Variants in NPTN observed in about 807,000 individuals in gnomAD.
NPTN encodes the protein SDR-1.
Under a neutral mutation model 42.7 loss-of-function variants are expected in NPTN, and 5 were observed. The observed-to-expected ratio is 0.12, with a 90% CI of 0.06 to 0.25. The LOEUF (loss-of-function observed/expected upper bound fraction) is 0.25. Ranked by LOEUF, NPTN falls within the 10% of genes least tolerant of loss-of-function variation. NPTN has a pLI of 1.00. For missense variants in NPTN, 307 were observed against 525.4 expected, an observed-to-expected ratio of 0.58 and a Z score of 4.06; for synonymous variants, 180 against 201.9, an observed-to-expected ratio of 0.89 and a Z score of 0.92.
chr15:73,574,821 T>A (rs1234204406), intron 4 of NPTN, among the ~76,000 whole-genome samples: 6 of 152,232 alleles, frequency 3.9e-5, no homozygotes, highest in African/African-American at 1.4e-4. Flanking sequence ...CTAGAGGCCG[T>A]TGGTCTTCTC....
rs536162374 is a variant in NPTN at position 73,567,114 on chromosome 15, A to G, written c.1114+3036T>C. The G allele has an allele frequency of 8.5e-4, 830 of 980,786 alleles. 24 individuals are homozygous for G. The South Asian group carries it at 0.034, about 41-fold the overall frequency. The allele number at this position is 980,786 out of a possible 1,614,324, so 60.8% of individuals were successfully genotyped here. ...TAGTGAAACATACTTAAACTAAACT[A>G]TGTAAGTTCAAATTTGTGCTTTTAT... is the stretch of plus-strand genomic sequence containing the variant. On this transcript the variant is annotated intron_variant, in intron 6 of 8. Coordinates refer to ENST00000345330, the MANE Select transcript of NPTN (RefSeq NM_012428.4).
In NPTN at chr15:73,560,584, TTTAC is replaced by T. The variant is rs1384940797; in HGVS notation, c.*475_*478del. On this transcript the variant is annotated 3_prime_UTR_variant, in exon 9 of 9. Transcript: ENST00000345330. ...CAGCAGCTTAAAAATGAAACAAGCA[TTTAC>T]TTTATTTTGGATTTCTCCCACCCCC... The T allele has an allele frequency of 6.6e-6, 1 of 151,008 alleles. No homozygotes were observed. The highest frequency in any genetic ancestry group is 1.9e-4 in the East Asian group (1 of 5,150). The allele number at this position is 151,008 out of a possible 1,614,324, so 9.4% of individuals were successfully genotyped here. A position where few individuals can be genotyped will look rare whatever the true frequency, so the allele number is the denominator to read the frequency against.
At chr15:73,622,237 T>C (rs1898169564) in intron 1 of NPTN, among the ~76,000 whole-genome samples, 2 of 152,108 alleles carry the variant, frequency 1.3e-5, no homozygotes, top group Admixed American at 1.3e-4. Flanking sequence ...TTTCTGACTC[T>C]CTAAATCAGG....
At chr15:73,588,526 T>C (rs1021884324) in intron 3 of NPTN, among the ~76,000 whole-genome samples, 1 of 152,140 alleles carries the variant, frequency 6.6e-6, no homozygotes, top group Non-Finnish European at 1.5e-5. Context: ...ATCTGGCCCC[T>C]GTCTATATCC....
In NPTN at chr15:73,633,137, C is replaced by T; in HGVS notation, c.79G>A (p.Ala27Thr). The change falls in exon 1 of 9, where the codon GCC becomes ACC. Residue 27 changes from alanine to threonine, a missense_variant. Physicochemically the swap from Ala to Thr is moderately conservative, Grantham distance 58 (BLOSUM62 0). Transcript: ENST00000345330. Reference sequence around the variant, plus strand: ...GCGCCCCGCTTACCGTTCTGAGCGGCGCCTGGCCCTGGGAGGAGGGAGCCA... The same window carrying T: ...GCGCCCCGCTTACCGTTCTGAGCGGTGCCTGGCCCTGGGAGGAGGGAGCCA... ...VSGSLLPGPG[A>T]AQNAGFVKSP... The T allele has an allele frequency of 6.7e-7, 1 of 1,493,466 alleles. No homozygotes were observed. The highest frequency in any genetic ancestry group is 8.9e-7 in the Non-Finnish European group (1 of 1,129,500). 92.5% of individuals were successfully genotyped at this position (1,493,466 alleles called of 1,614,324 possible).
At chr15:73,572,760 C>A (rs137996579) in intron 5 of NPTN, among the ~76,000 whole-genome samples, 1 of 152,262 alleles carries the variant, frequency 6.6e-6, no homozygotes, top group East Asian at 1.9e-4. Context: ...GATAAATGGA[C>A]GAGAATTAGG....
chr15:73,632,023 A>G (rs1898775132), intron 1 of NPTN, among the ~76,000 whole-genome samples: 1 of 152,030 alleles, frequency 6.6e-6, no homozygotes, highest in Admixed American at 6.6e-5. Flanking sequence ...TCTGTCTTGA[A>G]ACTTTTAAAT....
At chr15:73,580,521 A>T (rs1895974905) in intron 4 of NPTN, among the ~76,000 whole-genome samples, 16 of 139,106 alleles carry the variant, frequency 1.2e-4, no homozygotes, top group African/African-American at 4.3e-4. Context: ...TATATAATAT[A>T]GTTATATATG....
At chr15:73,565,802 C>T (rs1015579633) in intron 6 of NPTN, 11 of 456,208 alleles carry the variant, frequency 2.4e-5, no homozygotes, top group African/African-American at 1.4e-4. Context: ...GATTTATCTG[C>T]GTGTTCCATC....
intron 2 of NPTN, among the ~76,000 whole-genome samples, chr15:73,594,964 A>G (rs1896765176): frequency 6.6e-6 from 1 of 152,054 alleles, no homozygotes. Context: ...AAAAAAAAAA[A>G]AAAAAGCAGC....
intron 1 of NPTN, among the ~76,000 whole-genome samples, chr15:73,617,583 T>C (rs1487561880): frequency 6.6e-6 from 1 of 152,214 alleles, no homozygotes. Flanking sequence ...CACCTACTAC[T>C]GGGCCTGTCA....
At chr15:73,588,439 G>GA (rs1259098925) in intron 3 of NPTN, among the ~76,000 whole-genome samples, 1 of 151,956 alleles carries the variant, frequency 6.6e-6, no homozygotes, top group Non-Finnish European at 1.5e-5. Flanking sequence ...TAAAGAAAAA[G>GA]AAAAAAATCT....
chr15:73,581,779 A>G (rs910589829), intron 4 of NPTN, among the ~76,000 whole-genome samples: 5 of 152,134 alleles, frequency 3.3e-5, no homozygotes, highest in African/African-American at 1.2e-4. Context: ...AACAGAACAG[A>G]CTTAAGAAAG....
At chr15:73,630,866 T>A (rs1457435158) in intron 1 of NPTN, among the ~76,000 whole-genome samples, 1 of 152,220 alleles carries the variant, frequency 6.6e-6, no homozygotes, top group East Asian at 1.9e-4. Context: ...ATAAGACATG[T>A]TATATAGAAA....
chr15:73,587,514 T>C lies in NPTN; in HGVS notation c.706+10A>G. On this transcript the variant is annotated intron_variant, in intron 4 of 8. Transcript: ENST00000345330. Reference sequence around the variant, plus strand: ...GAGAGGCTCACACCACAGCCTCTGCTGGGTTGTACCTTTCACTTCAATGGT... The same window carrying C: ...GAGAGGCTCACACCACAGCCTCTGCCGGGTTGTACCTTTCACTTCAATGGT... 2.5e-6 allele frequency: 4 copies of C among 1,606,890 alleles called. No homozygotes were observed. The highest frequency in any genetic ancestry group is 3.4e-6 in the Non-Finnish European group (4 of 1,173,796).
rs1896874509 is a variant in NPTN, at chr15:73,597,245, T to C, written c.216A>G (p.Ala72=). ...IQWWYAEVNR[A]ESFRQLWDGA... ...CGTCCCACAGCTGTCTGAAAGACTCTGCCCGGTTGACTTCTGCGTACCACC... is the reference window on the plus strand; with the variant it reads ...CGTCCCACAGCTGTCTGAAAGACTCCGCCCGGTTGACTTCTGCGTACCACC... Residue 72 remains alanine (A), a synonymous_variant, in exon 2 of 9, where the codon GCA becomes GCG. Transcript: ENST00000345330. The surrounding 1 kb of genome is among the most constrained non-coding windows in gnomAD (Gnocchi z 6.3). 1 of 1,614,170 alleles carries C rather than the reference T, an allele frequency of 6.2e-7. No individual in the cohort carries two copies. Among genetic ancestry groups the C allele is most frequent in the Non-Finnish European group, 8.5e-7 (1 of 1,180,026 alleles).
intron 1 of NPTN, among the ~76,000 whole-genome samples, chr15:73,613,041 GAA>G (rs1309939347): frequency 6.6e-6 from 1 of 152,202 alleles, no homozygotes; most frequent in Non-Finnish European, 1.5e-5. Flanking sequence ...CACAAACTGA[GAA>G]TTATGATTAC....
chr15:73,567,193 A>G (rs1895075919), intron 6 of NPTN: 9 of 985,178 alleles, frequency 9.1e-6, no homozygotes, highest in Non-Finnish European at 1.1e-5. Context: ...GTTACCAAGA[A>G]CTCACAGACT....
intron 1 of NPTN, among the ~76,000 whole-genome samples, chr15:73,632,310 C>A (rs929854111): frequency 6.8e-6 from 1 of 147,446 alleles, no homozygotes; most frequent in Admixed American, 6.8e-5. Flanking sequence ...AATAAATATT[C>A]CCCCACCTCA....
Sources: gnomAD v4.1 joint callset for allele counts (sites outside exome capture counted in the v4.1 genomes callset) on GRCh38, gnomAD v4.1.1 for gene constraint, Gnocchi (gnomAD v3.1) non-coding constraint, MANE v1.5 for transcripts, NCBI Gene and HGNC (gene_info 2026-07-23, HGNC 2026-07-21) for gene names.